ADAMTS3: variants seen among roughly 807,000 people sequenced by gnomAD.
ADAMTS3 encodes ADAM metallopeptidase with thrombospondin type 1 motif 3, also known as A disintegrin and metalloproteinase with thrombospondin motifs 3.
Under a neutral mutation model 129.0 loss-of-function variants are expected in ADAMTS3, and 73 were observed. The ratio of observed to expected loss-of-function variants is 0.57; its 90% CI spans 0.47 to 0.69. The LOEUF is 0.69. Ranked by LOEUF, ADAMTS3 falls within the 30% of genes least tolerant of loss-of-function variation. ADAMTS3 has a pLI of 0.00. For missense variants in ADAMTS3, 1,457 were observed against 1,514.5 expected (o/e 0.96, Z 0.63); for synonymous variants, 477 against 510.8 (o/e 0.93, Z 0.89).
At position 72,415,068 on chromosome 4, in the gene ADAMTS3, A is replaced by T. The variant is rs944013107; in HGVS notation, c.505-97T>A. The stretch of plus-strand genomic sequence containing the variant: ...TTAAATGTCAAGAATATGACTTGTG[A>T]AAACTAACGCTTTTTCTTTCCACAT... On this transcript the variant is annotated intron_variant, in intron 3 of 21. Transcript: ENST00000286657. 24 of 939,792 alleles carry T rather than the reference A, an allele frequency of 2.6e-5. No individual in the cohort carries two copies. The Admixed American group carries it at 2.9e-4, about 11-fold the overall frequency. 58.2% of individuals were successfully genotyped at this position (939,792 alleles called of 1,614,324 possible).
chr4:72,367,979 ATAAT>A (rs1202859210), intron 4 of ADAMTS3, among the ~76,000 whole-genome samples: 15 of 152,218 alleles, frequency 9.9e-5, no homozygotes, highest in African/African-American at 3.4e-4. Context: ...TTAAAAAACA[ATAAT>A]TATACGCACT....
chr4:72,340,981 C>T (rs1720121532), intron 4 of ADAMTS3, among the ~76,000 whole-genome samples: 1 of 152,120 alleles, frequency 6.6e-6, no homozygotes, highest in Admixed American at 6.6e-5. Context: ...CTGACTCATG[C>T]TTTATATGAT....
At chr4:72,296,782 T>C (rs1718820190) in intron 18 of ADAMTS3, among the ~76,000 whole-genome samples, 1 of 152,042 alleles carries the variant, frequency 6.6e-6, no homozygotes, top group African/African-American at 2.4e-5. Flanking sequence ...TTCAAAAATG[T>C]TCAGTTGTCC....
chr4:72,324,206 C>T (rs1487924724), intron 5 of ADAMTS3, among the ~76,000 whole-genome samples: 1 of 152,102 alleles, frequency 6.6e-6, no homozygotes, highest in Admixed American at 6.6e-5. Context: ...TAGCGAGTGG[C>T]TTTAAAAATA....
intron 3 of ADAMTS3, among the ~76,000 whole-genome samples, chr4:72,440,489 A>G (rs1718083417): frequency 1.3e-5 from 2 of 151,804 alleles, no homozygotes; most frequent in South Asian, 4.1e-4. Flanking sequence ...TGCAGTCTGA[A>G]CTTTTTAGCA....
chr4:72,517,402 G>C (rs1244151938), intron 3 of ADAMTS3, among the ~76,000 whole-genome samples: 1 of 152,338 alleles, frequency 6.6e-6, no homozygotes, highest in East Asian at 1.9e-4. Flanking sequence ...AATAGTTTCA[G>C]AAAGAATGGT....
At chr4:72,461,466 T>A (rs2109984139) in intron 3 of ADAMTS3, among the ~76,000 whole-genome samples, 1 of 151,894 alleles carries the variant, frequency 6.6e-6, no homozygotes, top group East Asian at 1.9e-4. Flanking sequence ...GTCAATTCCA[T>A]CTGTTAGTGG....
intron 2 of ADAMTS3, among the ~76,000 whole-genome samples, chr4:72,559,892 C>T (rs886162414): frequency 2.6e-5 from 4 of 151,580 alleles, no homozygotes; most frequent in African/African-American, 9.8e-5. Flanking sequence ...CCAAGACAGT[C>T]CTAAACAAAA....
At chr4:72,474,049 G>A (rs1406648036) in intron 3 of ADAMTS3, among the ~76,000 whole-genome samples, 1 of 152,124 alleles carries the variant, frequency 6.6e-6, no homozygotes, top group African/African-American at 2.4e-5. Flanking sequence ...CAGTAACAAG[G>A]GAGCTCCTTC....
chr4:72,469,562 T>C (rs1455104806), intron 3 of ADAMTS3, among the ~76,000 whole-genome samples: 1 of 152,120 alleles, frequency 6.6e-6, no homozygotes, highest in Non-Finnish European at 1.5e-5. Flanking sequence ...ATCCCTCACC[T>C]CTCCGTGATC....
At chr4:72,426,593 A>G (rs941691612) in intron 3 of ADAMTS3, among the ~76,000 whole-genome samples, 1 of 152,176 alleles carries the variant, frequency 6.6e-6, no homozygotes, top group Non-Finnish European at 1.5e-5. Context: ...TATAACAATA[A>G]AAAACTAAAT....
At chr4:72,549,129 T>A (rs34468768) in intron 2 of ADAMTS3, among the ~76,000 whole-genome samples, 44,724 of 152,070 alleles carry the variant, frequency 0.29, 6,689 homozygotes, top group East Asian at 0.41. Context: ...TTGTAAATAT[T>A]TACATCTCAT....
In ADAMTS3 at chr4:72,410,432, C is replaced by T. The variant is rs117498801; in HGVS notation, c.661+4383G>A. Among the ~76,000 whole-genome samples, 90 of 152,220 alleles carry T rather than the reference C, an allele frequency of 5.9e-4. No individual in the cohort carries two copies. The East Asian group carries it at 0.016, about 28-fold the overall frequency. On this transcript the variant is annotated intron_variant, in intron 4 of 21. Coordinates refer to ENST00000286657, the MANE Select transcript of ADAMTS3 (RefSeq NM_014243.3). Reference sequence around the variant, plus strand: ...GAAAGGAAGCTAGGAGATAAAGGCTCACTATTCCTTGTTTCCCACTGGTAG... The same window carrying T: ...GAAAGGAAGCTAGGAGATAAAGGCTTACTATTCCTTGTTTCCCACTGGTAG...
Position 72,283,478 on chromosome 4 carries a change from A to G in ADAMTS3, c.3276T>C (p.Tyr1092=). ...SLVMPTSLVP[Y]HSETPAKKMS... Reference sequence around the variant, plus strand: ...TCTTCTTTGCAGGGGTCTCTGAATGATAAGGAACCAAAGATGTAGGCATCA... The same window carrying G: ...TCTTCTTTGCAGGGGTCTCTGAATGGTAAGGAACCAAAGATGTAGGCATCA... Residue 1092 remains tyrosine, a synonymous_variant, in exon 22 of 22, where the codon TAT becomes TAC. Coordinates refer to ENST00000286657, the MANE Select transcript of ADAMTS3 (RefSeq NM_014243.3). 2 of 1,614,062 alleles carry G rather than the reference A, an allele frequency of 1.2e-6. No individual in the cohort carries two copies. Among genetic ancestry groups the G allele is most frequent in the Non-Finnish European group, 8.5e-7 (1 of 1,179,982 alleles).
At chr4:72,553,801 G>C (rs1721699507) in intron 2 of ADAMTS3, among the ~76,000 whole-genome samples, 1 of 152,118 alleles carries the variant, frequency 6.6e-6, no homozygotes, top group Non-Finnish European at 1.5e-5. Context: ...ACAGGCACAG[G>C]GTGGAGTATT....
intron 3 of ADAMTS3, among the ~76,000 whole-genome samples, chr4:72,531,893 C>T (rs1016017204): frequency 6.6e-6 from 1 of 152,050 alleles, no homozygotes; most frequent in African/African-American, 2.4e-5. Context: ...GGAGATGGCA[C>T]TCATGTGTGC....
chr4:72,505,216 G>A (rs1232411842), intron 3 of ADAMTS3, among the ~76,000 whole-genome samples: 5 of 152,122 alleles, frequency 3.3e-5, no homozygotes, highest in African/African-American at 9.7e-5. Flanking sequence ...TTATTTTCAT[G>A]TGGGTAGGAT....
intron 3 of ADAMTS3, among the ~76,000 whole-genome samples, chr4:72,450,313 A>C (rs1165473261): frequency 6.6e-6 from 1 of 151,662 alleles, no homozygotes; most frequent in Non-Finnish European, 1.5e-5. Context: ...CGTGGTCATA[A>C]GTATGCTCCA....
rs183639931 is a variant in ADAMTS3, at chr4:72,351,324, C to A, written c.662-11631G>T. 2.2e-4 allele frequency among the ~76,000 whole-genome samples: 34 copies of A among 151,686 alleles called. 1 individual carries two copies. In the East Asian group the frequency reaches 4.7e-3, roughly 21 times the overall value. ...TACAGGCATGTTACAGGGTAACATGCCTTAAAATTTCAACAGCCATTTAGC... is the reference window on the plus strand; with the variant it reads ...TACAGGCATGTTACAGGGTAACATGACTTAAAATTTCAACAGCCATTTAGC... On this transcript the variant is annotated intron_variant, in intron 4 of 21. Coordinates refer to ENST00000286657, the MANE Select transcript of ADAMTS3 (RefSeq NM_014243.3).
Sources: gnomAD v4.1 joint callset for allele counts (sites outside exome capture counted in the v4.1 genomes callset) on GRCh38, gnomAD v4.1.1 for gene constraint, MANE v1.5 for transcripts, NCBI Gene and HGNC (gene_info 2026-07-23, HGNC 2026-07-21) for gene names.